The following PCDHA1 variants were observed in gnomAD, a reference collection of about 807,000 sequenced individuals.
PCDHA1 encodes protocadherin alpha 1, also known as protocadherin alpha-1.
A neutral mutation model predicts 61.3 loss-of-function variants in PCDHA1; 42 were observed. The ratio of observed to expected loss-of-function variants is 0.69; its 90% CI spans 0.54 to 0.89. PCDHA1 has a LOEUF of 0.89. Ranked by LOEUF, PCDHA1 falls within the 40% of genes least tolerant of loss-of-function variation. PCDHA1 has a pLI of 0.00. For synonymous variants in PCDHA1, 610 were observed against 553.8 expected (o/e 1.10, Z -1.43); for missense variants, 1,256 against 1,235.3 (o/e 1.02, Z -0.25).
chr5:140,978,717 T>C (rs545119234), intron 1 of PCDHA1, among the ~76,000 whole-genome samples: 1 of 152,390 alleles, frequency 6.6e-6, no homozygotes, highest in East Asian at 1.9e-4. Context: ...TTTACAAGAT[T>C]ATTAAATCTG....
chr5:140,801,665 C>T (rs781995261), intron 1 of PCDHA1: 3 of 1,614,094 alleles, frequency 1.9e-6, no homozygotes, highest in Admixed American at 3.3e-5. Context: ...CGCTAGAGGG[C>T]GCATCAGATG....
At chr5:140,986,899 C>G (rs2097217128) in intron 3 of PCDHA1, among the ~76,000 whole-genome samples, 1 of 152,072 alleles carries the variant, frequency 6.6e-6, no homozygotes, top group African/African-American at 2.4e-5. Flanking sequence ...AGGCCCTATC[C>G]TAGACTAATG....
intron 3 of PCDHA1, among the ~76,000 whole-genome samples, chr5:141,006,105 G>GTT (rs79904017): frequency 1.9e-4 from 27 of 143,364 alleles, no homozygotes; most frequent in Middle Eastern, 3.8e-3. Flanking sequence ...ATGGTAAGGA[G>GTT]TTTTTTTTTT....
In PCDHA1 at chr5:140,967,411, A is replaced by T. The variant is rs142102675; in HGVS notation, c.2395-11538A>T. The T allele has an allele frequency of 4.6e-5, 74 of 1,613,220 alleles. No individual in the cohort carries two copies. The African/African-American group carries it at 9.5e-4, about 21-fold the overall frequency. On this transcript the variant is annotated intron_variant, in intron 1 of 3. Coordinates refer to ENST00000504120, the MANE Select transcript of PCDHA1 (RefSeq NM_018900.4). The stretch of plus-strand genomic sequence containing the variant: ...TTGAGCTGGTGCTGCGTAAGGGCCT[A>T]GACCGGGAGCAGGCAGCCTTGCACC...
rs192109857 is a variant in PCDHA1 at position 140,852,433 on chromosome 5, G to A, written c.2394+63749G>A. 4.2e-4 allele frequency: 75 copies of A among 180,184 alleles called. 1 individual carries two copies. The East Asian group carries it at 0.014, about 33-fold the overall frequency. The allele number at this position is 180,184 out of a possible 1,614,324, so 11.2% of individuals were successfully genotyped here. A position where few individuals can be genotyped will look rare whatever the true frequency, so the allele number is the denominator to read the frequency against. The stretch of plus-strand genomic sequence containing the variant: ...GCTGGGATTATAGGCACATGCCACC[G>A]CGCCCAGCTAATTTTTGTATTTTTA... On this transcript the variant is annotated intron_variant, in intron 1 of 3. Transcript: ENST00000504120.
At chr5:140,801,791 A>G in intron 1 of PCDHA1, 1 of 1,614,032 alleles carries the variant, frequency 6.2e-7, no homozygotes, top group Non-Finnish European at 8.5e-7. Flanking sequence ...TGTTGAAAAA[A>G]AATTTAAATC....
intron 1 of PCDHA1, chr5:140,808,431 G>A (rs1554124539): frequency 6.2e-7 from 1 of 1,614,140 alleles, no homozygotes; most frequent in South Asian, 1.1e-5. Flanking sequence ...GCCCTGGACC[G>A]CGAGAGCGTG....
At chr5:140,834,854 G>A in intron 1 of PCDHA1, 1 of 1,610,584 alleles carries the variant, frequency 6.2e-7, no homozygotes, top group South Asian at 1.1e-5. Flanking sequence ...TAGAGGGCGC[G>A]TCCGATGCAG....
rs191500915 is a variant in PCDHA1, at chr5:140,840,115, G to A, written c.2394+51431G>A. Among the ~76,000 whole-genome samples, 14 of 152,082 alleles carry A rather than the reference G, an allele frequency of 9.2e-5. No individual in the cohort carries two copies. In the East Asian group the frequency reaches 2.7e-3, roughly 29 times the overall value. ...AAGATTTTAGTGAAATCGAGTGAAA[G>A]CTGTACTAATAAGGACAGAAATTAT... is the stretch of plus-strand genomic sequence containing the variant. On this transcript the variant is annotated intron_variant, in intron 1 of 3. Coordinates refer to ENST00000504120, the MANE Select transcript of PCDHA1 (RefSeq NM_018900.4).
At chr5:140,838,612 A>G (rs1326287987) in intron 1 of PCDHA1, among the ~76,000 whole-genome samples, 1 of 152,002 alleles carries the variant, frequency 6.6e-6, no homozygotes, top group Non-Finnish European at 1.5e-5. Flanking sequence ...GACTTTTAAA[A>G]ATTTTTTACA....
chr5:140,802,942 C>T (rs1187038094), intron 1 of PCDHA1: 16 of 1,613,842 alleles, frequency 9.9e-6, no homozygotes, highest in African/African-American at 1.3e-5. Context: ...GAGCTGGTGC[C>T]GCGGTCAGTG....
chr5:140,834,317 G>T, intron 1 of PCDHA1: 1 of 1,393,006 alleles, frequency 7.2e-7, no homozygotes, highest in Non-Finnish European at 9.8e-7. Context: ...GAAATGAAGG[G>T]ATAAAAACAT....
At chr5:140,906,750 T>C (rs782209238) in intron 1 of PCDHA1, among the ~76,000 whole-genome samples, 2 of 152,216 alleles carry the variant, frequency 1.3e-5, no homozygotes, top group Non-Finnish European at 2.9e-5. Flanking sequence ...ACACAGGGCA[T>C]GGTAATACTA....
chr5:140,829,814 G>GGT (rs2150175309), intron 1 of PCDHA1: 1 of 1,613,902 alleles, frequency 6.2e-7, no homozygotes, highest in East Asian at 2.2e-5. Flanking sequence ...TGGTACTGGT[G>GGT]GTGCAGTGAG....
rs1489456152 is a variant in PCDHA1 at position 140,857,912 on chromosome 5, C to T, written c.2394+69228C>T. On this transcript the variant is annotated intron_variant, in intron 1 of 3. Transcript: ENST00000504120. ...GGCGGTTGGTGCACGCATCCCGTTT[C>T]GCGTGGGGCTGTACACGGGCGAGAT... is the stretch of plus-strand genomic sequence containing the variant. 3.1e-6 allele frequency: 5 copies of T among 1,597,650 alleles called. 1 individual carries two copies. In the Admixed American group the frequency reaches 6.7e-5, roughly 22 times the overall value.
rs1761363365 is a variant in PCDHA1 at position 140,787,322 on chromosome 5, T to C, written c.1032T>C (p.Asn344=). 1.2e-6 allele frequency: 2 copies of C among 1,614,070 alleles called. No homozygotes were observed. Among genetic ancestry groups the C allele is most frequent in the Non-Finnish European group, 1.7e-6 (2 of 1,180,002 alleles). Reference sequence around the variant, plus strand: ...TTTTGGTGAAAGTGCTGGATGTAAATGATAATGCTCCAGAACTGGCGGTCA... The same window carrying C: ...TTTTGGTGAAAGTGCTGGATGTAAACGATAATGCTCCAGAACTGGCGGTCA... ...CKVLVKVLDV[N]DNAPELAVTS... Residue 344 remains asparagine, a synonymous_variant, in exon 1 of 4, where the codon AAT becomes AAC. Transcript: ENST00000504120.
intron 1 of PCDHA1, chr5:140,884,564 A>C: frequency 6.2e-7 from 1 of 1,614,118 alleles, no homozygotes; most frequent in Non-Finnish European, 8.5e-7. Flanking sequence ...GGGCCCGCAT[A>C]AGACGGACCT....
chr5:140,843,258 G>A, intron 1 of PCDHA1: 1 of 1,596,068 alleles, frequency 6.3e-7, no homozygotes, highest in Middle Eastern at 1.7e-4. Context: ...CCGCGCCACC[G>A]TCTGCTGGTC....
chr5:140,809,209 G>T, intron 1 of PCDHA1: 2 of 1,614,072 alleles, frequency 1.2e-6, no homozygotes, highest in East Asian at 4.5e-5. Flanking sequence ...AGAGTGGACA[G>T]GCGCCAAAGG....
Sources: gnomAD v4.1 joint callset for allele counts (sites outside exome capture counted in the v4.1 genomes callset) on GRCh38, gnomAD v4.1.1 for gene constraint, MANE v1.5 for transcripts, NCBI Gene and HGNC (gene_info 2026-07-23, HGNC 2026-07-21) for gene names.